The following KIF26B variants were observed in gnomAD, a reference collection of about 807,000 sequenced individuals.
KIF26B encodes kinesin-like protein KIF26B.
In KIF26B, 63 loss-of-function variants were observed where a neutral mutation model predicts 151.2. The observed-to-expected ratio is 0.42, with a 90% CI of 0.34 to 0.51. The LOEUF (loss-of-function observed/expected upper bound fraction) is 0.51. KIF26B is among the 20% of genes least tolerant of loss of function. The probability of loss-of-function intolerance (pLI) is 0.07; values close to 1 mark genes in which losing one functional copy is unlikely to be tolerated. For missense variants in KIF26B, 2,813 were observed against 2,913.6 expected (o/e 0.97, Z 0.79); for synonymous variants, 1,357 against 1,262.1 (o/e 1.08, Z -1.59).
At chr1:245,659,709 A>G (rs988084912) in intron 10 of KIF26B, among the ~76,000 whole-genome samples, 1 of 152,128 alleles carries the variant, frequency 6.6e-6, no homozygotes, top group African/African-American at 2.4e-5. Context: ...GTTAAAAGTC[A>G]CATTATCAAG....
intron 9 of KIF26B, among the ~76,000 whole-genome samples, chr1:245,632,612 GAGT>G (rs1415152182): frequency 6.6e-6 from 1 of 152,166 alleles, no homozygotes; most frequent in Non-Finnish European, 1.5e-5. Flanking sequence ...TGCTAAAGCG[GAGT>G]GGTGGACCAG....
intron 2 of KIF26B, among the ~76,000 whole-genome samples, chr1:245,343,727 A>G (rs573465507): frequency 5.3e-5 from 8 of 152,302 alleles, no homozygotes; most frequent in African/African-American, 1.7e-4. Flanking sequence ...TAAAATAGAT[A>G]TATTTGGGCG....
At chr1:245,186,769 A>G (rs541596467) in intron 2 of KIF26B, among the ~76,000 whole-genome samples, 150 of 152,374 alleles carry the variant, frequency 9.8e-4, no homozygotes, top group African/African-American at 3.4e-3. Context: ...TCAGATGCAA[A>G]GAGTATTATT....
At chr1:245,316,324 A>G (rs534251330) in intron 2 of KIF26B, among the ~76,000 whole-genome samples, 2 of 152,028 alleles carry the variant, frequency 1.3e-5, no homozygotes, top group East Asian at 3.9e-4. Context: ...GGGCCTCACC[A>G]TGTTGGCCAG....
chr1:245,444,459 G>C (rs1659203383), intron 4 of KIF26B, among the ~76,000 whole-genome samples: 1 of 152,276 alleles, frequency 6.6e-6, no homozygotes, highest in Non-Finnish European at 1.5e-5. Context: ...GCAGGAGGCA[G>C]CGGGTGCTGA....
intron 10 of KIF26B, among the ~76,000 whole-genome samples, chr1:245,647,928 T>C (rs1204391714): frequency 8.5e-5 from 13 of 152,282 alleles, no homozygotes; most frequent in Admixed American, 7.2e-4. Flanking sequence ...CCCTTTTCTA[T>C]GGGAGAATAT....
At chr1:245,164,791 G>A (rs1452043082) in intron 2 of KIF26B, among the ~76,000 whole-genome samples, 1 of 152,208 alleles carries the variant, frequency 6.6e-6, no homozygotes, top group Non-Finnish European at 1.5e-5. Context: ...AAAGATTGCT[G>A]GCCAGGCACG....
intron 5 of KIF26B, among the ~76,000 whole-genome samples, chr1:245,545,897 T>C (rs949985409): frequency 6.6e-6 from 1 of 152,242 alleles, no homozygotes; most frequent in Non-Finnish European, 1.5e-5. Flanking sequence ...CTTTCTGTCT[T>C]GGATTAGAAG....
At chr1:245,299,980 GT>G (rs1319010756) in intron 2 of KIF26B, among the ~76,000 whole-genome samples, 2 of 152,186 alleles carry the variant, frequency 1.3e-5, no homozygotes, top group African/African-American at 2.4e-5. Flanking sequence ...CTTGAACTGG[GT>G]TCCCATTGTT....
At chr1:245,332,155 G>C (rs908079504) in intron 2 of KIF26B, among the ~76,000 whole-genome samples, 2 of 152,126 alleles carry the variant, frequency 1.3e-5, no homozygotes, top group Non-Finnish European at 2.9e-5. Flanking sequence ...AAAAAATGAA[G>C]TCCTCATCAG....
At chr1:245,588,972 T>A (rs1033795958) in intron 5 of KIF26B, among the ~76,000 whole-genome samples, 1 of 152,218 alleles carries the variant, frequency 6.6e-6, no homozygotes, top group Non-Finnish European at 1.5e-5. Flanking sequence ...GCATAATTTC[T>A]CTGTTCCTCC....
At chr1:245,347,288 A>G (rs1284884990) in intron 2 of KIF26B, among the ~76,000 whole-genome samples, 2 of 151,904 alleles carry the variant, frequency 1.3e-5, no homozygotes, top group Non-Finnish European at 2.9e-5. Flanking sequence ...CTCATTAACT[A>G]CTGTCCCCTT....
intron 9 of KIF26B, among the ~76,000 whole-genome samples, chr1:245,636,672 TC>T (rs1476298266): frequency 6.6e-6 from 1 of 152,030 alleles, no homozygotes; most frequent in African/African-American, 2.4e-5. Context: ...CTTCCCAGCC[TC>T]TGGTAGCCAC....
chr1:245,382,589 G>A (rs1673438272), intron 3 of KIF26B, among the ~76,000 whole-genome samples: 1 of 151,776 alleles, frequency 6.6e-6, no homozygotes, highest in African/African-American at 2.4e-5. Flanking sequence ...TGTTTTTGAG[G>A]CAGAGTTTCA....
At chr1:245,402,690 T>G (rs941342755) in intron 3 of KIF26B, among the ~76,000 whole-genome samples, 1 of 152,202 alleles carries the variant, frequency 6.6e-6, no homozygotes, top group African/African-American at 2.4e-5. Flanking sequence ...CATAGGATTG[T>G]TATAGATATG....
intron 4 of KIF26B, among the ~76,000 whole-genome samples, chr1:245,532,298 T>A (rs529082620): frequency 2.1e-5 from 3 of 145,078 alleles, no homozygotes; most frequent in Non-Finnish European, 3.0e-5. Context: ...CAGGCTGGAG[T>A]GCAGTGGCGC....
chr1:245,259,990 G>A (rs1001603969), intron 2 of KIF26B, among the ~76,000 whole-genome samples: 2 of 150,910 alleles, frequency 1.3e-5, no homozygotes, highest in Non-Finnish European at 3.0e-5. Flanking sequence ...TTCTTGAAGT[G>A]TGGCACAACT....
At chr1:245,164,898 C>G (rs1436419602) in intron 2 of KIF26B, among the ~76,000 whole-genome samples, 1 of 152,012 alleles carries the variant, frequency 6.6e-6, no homozygotes, top group Non-Finnish European at 1.5e-5. Context: ...CATGGTGAAA[C>G]CCCGTCTCTA....
rs184872805 is a variant in KIF26B, at chr1:245,606,973, A to G, written c.1558-678A>G. Among the ~76,000 whole-genome samples, 25 of 151,168 alleles carry G rather than the reference A, an allele frequency of 1.7e-4. 1 individual carries two copies. Among genetic ancestry groups the G allele is most frequent in the African/African-American group, 5.6e-4 (23 of 41,240 alleles). On this transcript the variant is annotated intron_variant, in intron 6 of 14. Transcript: ENST00000407071. This position sits in a 1 kb window ranked among gnomAD's most constrained non-coding sequence, Gnocchi z 4.6. Reference sequence around the variant, plus strand: ...CCCAGCTACTCGGGAGGCTGAGGCAAGAGAATCACTTGAGCCCAGGAGGCG... The same window carrying G: ...CCCAGCTACTCGGGAGGCTGAGGCAGGAGAATCACTTGAGCCCAGGAGGCG...
Sources: gnomAD v4.1 joint callset for allele counts (sites outside exome capture counted in the v4.1 genomes callset) on GRCh38, gnomAD v4.1.1 for gene constraint, Gnocchi (gnomAD v3.1) non-coding constraint, MANE v1.5 for transcripts, NCBI Gene and HGNC (gene_info 2026-07-23, HGNC 2026-07-21) for gene names.